ENTPD6: variants seen among roughly 807,000 people sequenced by gnomAD.
The protein encoded by ENTPD6 is CD39 antigen-like 2.
A neutral mutation model predicts 61.5 loss-of-function variants in ENTPD6; 46 were observed. The ratio of observed to expected loss-of-function variants is 0.75; its 90% CI spans 0.59 to 0.96. ENTPD6 has a LOEUF of 0.96. ENTPD6 is among the 40% of genes least tolerant of loss of function. ENTPD6 has a pLI of 0.00. For synonymous variants in ENTPD6, 252 were observed against 255.5 expected (o/e 0.99, Z 0.13); for missense variants, 612 against 629.0 (o/e 0.97, Z 0.29).
chr20:25,216,116 A>G (rs888675649), intron 7 of ENTPD6, among the ~76,000 whole-genome samples: 1 of 152,230 alleles, frequency 6.6e-6, no homozygotes, highest in Non-Finnish European at 1.5e-5. Context: ...GGGAACAGAA[A>G]CATCTGTTTT....
In ENTPD6 at chr20:25,218,591, T is replaced by C; in HGVS notation, c.920T>C (p.Leu307Pro). 1 of 1,607,916 alleles carries C rather than the reference T, an allele frequency of 6.2e-7. No individual in the cohort carries two copies. The highest frequency in any genetic ancestry group is 1.1e-5 in the South Asian group (1 of 89,548). ...CTGATGTCGGCACGCCTGGCGATCCTGGGCGGCGTGGAGGGGCAGCCTGGT... is the reference window on the plus strand; with the variant it reads ...CTGATGTCGGCACGCCTGGCGATCCCGGGCGGCGTGGAGGGGCAGCCTGGT... ...LGLMSARLAI[L>P]GGVEGQPAKD... is the part of the protein sequence containing the mutation. Residue 307 changes from leucine (L) to proline (P), a missense_variant, in exon 10 of 15, where the codon CTG (leucine) becomes CCG (proline). By Grantham distance (98) the Leu-to-Pro change is moderately conservative. Coordinates refer to ENST00000376652, the MANE Select transcript of ENTPD6 (RefSeq NM_001247.5).
chr20:25,214,777 T>C, intron 5 of ENTPD6, 90 bp from the exon 6 acceptor site: 2 of 826,440 alleles, frequency 2.4e-6, no homozygotes, highest in Non-Finnish European at 4.1e-6. Flanking sequence ...CCACCCACAC[T>C]GCTTCACTTG....
At chr20:25,209,163 G>A (rs1600561655) in intron 3 of ENTPD6, among the ~76,000 whole-genome samples, 1 of 146,572 alleles carries the variant, frequency 6.8e-6, no homozygotes, top group East Asian at 2.0e-4. Context: ...AGGCTGGAGT[G>A]CAGTGGTGCA....
At position 25,222,919 on chromosome 20, in the gene ENTPD6, A is replaced by T. The variant is rs757438461; in HGVS notation, c.1127A>T (p.His376Leu). The T allele has an allele frequency of 1.1e-5, 17 of 1,598,036 alleles. No homozygotes were observed. Among genetic ancestry groups the T allele is most frequent in the Non-Finnish European group, 1.4e-5 (16 of 1,169,998 alleles). Residue 376 changes from histidine (H) to leucine (L), a missense_variant, in exon 12 of 15, where the codon CAT (histidine) becomes CTT (leucine). Physicochemically the swap from His to Leu is moderately conservative, Grantham distance 99 (BLOSUM62 -3). Coordinates refer to ENST00000376652, the MANE Select transcript of ENTPD6 (RefSeq NM_001247.5). ...NRVHRTEEVK[H>L]VDFYAFSYYY... ...GTGCACAGGACGGAGGAAGTGAAGC[A>T]TGTGGACTTCTATGCTTTCTCCTAC... is the stretch of plus-strand genomic sequence containing the variant.
In ENTPD6 at chr20:25,207,470, C is replaced by T. The variant is rs1386284505; in HGVS notation, c.376+73C>T. On this transcript the variant is annotated intron_variant, in intron 3 of 14. Transcript: ENST00000376652. ...ACAGTGTTGGCCGGGTCCCCTGCCACAGACTCACCTGGGAGCTTGTCTAAA... is the reference window on the plus strand; with the variant it reads ...ACAGTGTTGGCCGGGTCCCCTGCCATAGACTCACCTGGGAGCTTGTCTAAA... 2.2e-6 allele frequency: 3 copies of T among 1,344,400 alleles called. No individual in the cohort carries two copies. In the African/African-American group the frequency reaches 4.4e-5, roughly 20 times the overall value. 83.3% of individuals were successfully genotyped at this position (1,344,400 alleles called of 1,614,324 possible).
At chr20:25,206,664 A>G in intron 2 of ENTPD6, 74 bp downstream of exon 2, 1 of 1,065,044 alleles carries the variant, frequency 9.4e-7, no homozygotes, top group Non-Finnish European at 1.5e-6. Flanking sequence ...GCCTGAATAG[A>G]AGTATAACTG....
At chr20:25,212,831 G>A (rs1472873524) in intron 4 of ENTPD6, among the ~76,000 whole-genome samples, 1 of 152,056 alleles carries the variant, frequency 6.6e-6, no homozygotes, top group African/African-American at 2.4e-5. Context: ...TCAGCCTCCC[G>A]AGTAGCTGGG....
intron 13 of ENTPD6, 187 bp from the exon 14 acceptor site, chr20:25,225,018 C>T (rs908391189): frequency 7.3e-6 from 6 of 820,112 alleles, no homozygotes; most frequent in Non-Finnish European, 1.1e-5. Context: ...CCAGTGGCAG[C>T]CGGGGTTGCC....
At position 25,197,179 on chromosome 20, in the gene ENTPD6, A is replaced by AT. The variant is rs2090528195; in HGVS notation, c.-16+1314dup. Reference sequence around the variant, plus strand: ...AAAACCTGAAGAAACTGGCCAACAGATTAGGCAGCCATCAATCCACATCAG... The same window carrying AT: ...AAAACCTGAAGAAACTGGCCAACAGATTTAGGCAGCCATCAATCCACATCAG... On this transcript the variant is annotated intron_variant, in intron 1 of 14. Transcript: ENST00000376652. 5 of 985,290 alleles carry AT rather than the reference A, an allele frequency of 5.1e-6. No homozygotes were observed. In the South Asian group the frequency reaches 2.3e-4, roughly 46 times the overall value. The allele number at this position is 985,290 out of a possible 1,614,324, so 61.0% of individuals were successfully genotyped here.
rs768038612 is a variant in ENTPD6 at position 25,217,535 on chromosome 20, A to G, written c.832A>G (p.Thr278Ala). 6.8e-6 allele frequency: 11 copies of G among 1,614,044 alleles called. No homozygotes were observed. Among genetic ancestry groups the G allele is most frequent in the Non-Finnish European group, 9.3e-6 (11 of 1,179,976 alleles). The change falls in exon 9 of 15, where the codon ACG (threonine) becomes GCG (alanine). Residue 278 changes from threonine to alanine, a missense_variant. Coordinates refer to ENST00000376652, the MANE Select transcript of ENTPD6 (RefSeq NM_001247.5). ...TLQASPPGYL[T>A]ALRMFNRTYK... ...GCAGGCCTCCCCACCCGGCTACCTG[A>G]CGGCACTGCGGATGTTTAACAGGAC... is the stretch of plus-strand genomic sequence containing the variant.
rs2090310510 is a variant in ENTPD6 at position 25,195,742 on chromosome 20, T to TC, written c.-140dup. On this transcript the variant is annotated 5_prime_UTR_variant, in exon 1 of 15. Coordinates refer to ENST00000376652, the MANE Select transcript of ENTPD6 (RefSeq NM_001247.5). ...GCCCAGGCCCTAGGGAATCGTGGGGTCGTATCCCGCGGGTGGAGGCCGGGG... is the reference window on the plus strand; with the variant it reads ...GCCCAGGCCCTAGGGAATCGTGGGGTCCGTATCCCGCGGGTGGAGGCCGGGG... 1.2e-5 allele frequency: 9 copies of TC among 756,990 alleles called. No homozygotes were observed. In the East Asian group the frequency reaches 3.1e-4, roughly 26 times the overall value. 46.9% of individuals were successfully genotyped at this position (756,990 alleles called of 1,614,324 possible). A position where few individuals can be genotyped will look rare whatever the true frequency, so the allele number is the denominator to read the frequency against.
intron 1 of ENTPD6, among the ~76,000 whole-genome samples, chr20:25,204,629 C>T (rs1470792739): frequency 6.6e-6 from 1 of 152,176 alleles, no homozygotes; most frequent in Non-Finnish European, 1.5e-5. Context: ...ATAACCATTT[C>T]CCTGACTTCC....
intron 1 of ENTPD6, among the ~76,000 whole-genome samples, chr20:25,197,828 T>C (rs2090623832): frequency 6.6e-6 from 1 of 152,254 alleles, no homozygotes; most frequent in African/African-American, 2.4e-5. Context: ...TCAGTAATTA[T>C]GTCTATGTAA....
Position 25,217,523 on chromosome 20 carries a change from C to A in ENTPD6, c.820C>A (p.Pro274Thr). The A allele has an allele frequency of 2.5e-6, 4 of 1,614,182 alleles. No individual in the cohort carries two copies. The highest frequency in any genetic ancestry group is 3.4e-6 in the Non-Finnish European group (4 of 1,180,004). ...CCAGGGCACCCTGCAGGCCTCCCCA[C>A]CCGGCTACCTGACGGCACTGCGGAT... ...RVEGTLQASP[P>T]GYLTALRMFN... Residue 274 changes from proline to threonine, a missense_variant, in exon 9 of 15, where the codon CCC (proline) becomes ACC (threonine). Pro to Thr is a conservative substitution (Grantham distance 38, BLOSUM62 -1). Transcript: ENST00000376652.
In ENTPD6 at chr20:25,213,334, C is replaced by G. The variant is rs2092105902; in HGVS notation, c.525C>G (p.Thr175=). 6.2e-7 allele frequency: 1 copy of G among 1,614,198 alleles called. No individual in the cohort carries two copies. ...TTCCGTTCGACTTCTGGAAGGCCACCCCTCTGGTCCTCAAGGCCACAGCTG... is the reference window on the plus strand; with the variant it reads ...TTCCGTTCGACTTCTGGAAGGCCACGCCTCTGGTCCTCAAGGCCACAGCTG... The part of the protein sequence containing the change: ...QDIPFDFWKA[T]PLVLKATAGL... Residue 175 remains threonine (T), a synonymous_variant, in exon 5 of 15, where the codon ACC becomes ACG. Transcript: ENST00000376652.
chr20:25,205,585 C>T (rs562031367), intron 1 of ENTPD6, among the ~76,000 whole-genome samples: 19 of 152,294 alleles, frequency 1.2e-4, no homozygotes, highest in South Asian at 2.1e-4. Context: ...GGGAAGCCCC[C>T]GAGTGTGGTG....
At chr20:25,198,669 G>T (rs1029652098) in intron 1 of ENTPD6, among the ~76,000 whole-genome samples, 4 of 152,164 alleles carry the variant, frequency 2.6e-5, no homozygotes, top group African/African-American at 9.7e-5. Context: ...GTTATAGTCT[G>T]CTAAGGAAGG....
At chr20:25,204,493 A>G (rs561607472) in intron 1 of ENTPD6, among the ~76,000 whole-genome samples, 2 of 151,096 alleles carry the variant, frequency 1.3e-5, no homozygotes, top group East Asian at 3.9e-4. Context: ...TATATATCTT[A>G]CTTTCTCAAA....
intron 9 of ENTPD6, among the ~76,000 whole-genome samples, chr20:25,218,027 T>A (rs2092428825): frequency 6.8e-6 from 1 of 146,722 alleles, no homozygotes; most frequent in South Asian, 2.1e-4. Flanking sequence ...TTAATGTGTC[T>A]ACAGTATACG....
Sources: gnomAD v4.1 joint callset for allele counts (sites outside exome capture counted in the v4.1 genomes callset) on GRCh38, gnomAD v4.1.1 for gene constraint, MANE v1.5 for transcripts, NCBI Gene and HGNC (gene_info 2026-07-23, HGNC 2026-07-21) for gene names.